The following ZFHX3 variants were observed in gnomAD, a reference collection of about 807,000 sequenced individuals.
ZFHX3 encodes the protein zinc finger homeobox protein 3.
ZFHX3 carries 42 observed loss-of-function variants against 279.1 expected under a neutral mutation model. That is an observed-to-expected ratio of 0.15 (90% CI 0.12 to 0.19). ZFHX3 has a LOEUF of 0.19. ZFHX3 is among the 10% of genes least tolerant of loss of function. The pLI is 1.00. For synonymous variants in ZFHX3, 2,293 were observed against 1,957.8 expected, an observed-to-expected ratio of 1.17 and a Z score of -4.52; for missense variants, 4,981 against 4,754.0, an observed-to-expected ratio of 1.05 and a Z score of -1.40.
intron 5 of ZFHX3, among the ~76,000 whole-genome samples, chr16:73,218,783 T>A (rs1044958845): frequency 2.6e-5 from 4 of 152,036 alleles, no homozygotes; most frequent in Admixed American, 6.6e-5. Context: ...AATAAATAAA[T>A]AAAAAAGTAA....
intron 5 of ZFHX3, chr16:73,233,914 C>T: frequency 6.6e-6 from 1 of 152,158 alleles, no homozygotes; most frequent in Non-Finnish European, 1.5e-5. Flanking sequence ...GTTTCCTGAG[C>T]AGGAGAAATA....
At chr16:72,978,596 C>T (rs1597046746) in intron 1 of ZFHX3, among the ~76,000 whole-genome samples, 2 of 152,310 alleles carry the variant, frequency 1.3e-5, no homozygotes, top group East Asian at 1.9e-4. Flanking sequence ...AAAAGACCAG[C>T]GCCACGCTGC....
At chr16:72,891,383 G>A (rs550285523) in intron 3 of ZFHX3, among the ~76,000 whole-genome samples, 1 of 152,268 alleles carries the variant, frequency 6.6e-6, no homozygotes, top group African/African-American at 2.4e-5. Flanking sequence ...CAGACCCCAG[G>A]CTTCTGTGGC....
At chr16:73,155,988 T>C (rs916275754) in intron 5 of ZFHX3, among the ~76,000 whole-genome samples, 1 of 152,026 alleles carries the variant, frequency 6.6e-6, no homozygotes, top group Non-Finnish European at 1.5e-5. Flanking sequence ...ATCTCAGCAC[T>C]TTGGGAGGCC....
intron 3 of ZFHX3, among the ~76,000 whole-genome samples, chr16:73,349,604 CCCTTACTT>C (rs1392953685): frequency 7.1e-6 from 1 of 141,450 alleles, no homozygotes; most frequent in African/African-American, 3.0e-5. Flanking sequence ...CTCTCTCTCT[CCCTTACTT>C]CCTCCCTCCC....
chr16:73,529,188 C>T (rs752237902), intron 2 of ZFHX3, among the ~76,000 whole-genome samples: 8 of 152,054 alleles, frequency 5.3e-5, no homozygotes, highest in African/African-American at 7.2e-5. Context: ...TATTTCATTC[C>T]GCCAGTTAGA....
chr16:73,086,055 AAAG>A (rs1966009082), intron 8 of ZFHX3, among the ~76,000 whole-genome samples: 2 of 152,246 alleles, frequency 1.3e-5, no homozygotes, highest in South Asian at 2.1e-4. Flanking sequence ...ACATTTCTCA[AAAG>A]AAGACATATG....
chr16:73,192,530 G>A (rs1224139697), intron 5 of ZFHX3, among the ~76,000 whole-genome samples: 1 of 152,168 alleles, frequency 6.6e-6, no homozygotes, highest in African/African-American at 2.4e-5. Context: ...CTGAGAAATG[G>A]AGTCTTTGTT....
rs534146657 is a variant in ZFHX3 at position 73,308,598 on chromosome 16, C to T, written c.-1194+9642G>A. On this transcript the variant is annotated intron_variant, in intron 4 of 17. Coordinates refer to the ZFHX3 transcript ENST00000641206. ...GTGAGATTACAGGTGTGAGCCACCA[C>T]GCCCAGCCTATTTTTTAATTCTCGC... Among the ~76,000 whole-genome samples, 23 of 152,158 alleles carry T rather than the reference C, an allele frequency of 1.5e-4. No homozygotes were observed. In the South Asian group the frequency reaches 2.3e-3, roughly 15 times the overall value.
Position 72,957,801 on chromosome 16 carries a change from G to C in ZFHX3, c.2345C>G (p.Ala782Gly), listed in dbSNP as rs62639304. The change falls in exon 2 of 10, where the codon GCG (alanine) becomes GGG (glycine). Residue 782 changes from alanine (A) to glycine (G), a missense_variant. Ala to Gly is a moderately conservative substitution (Grantham distance 60). Around this residue, in one of 7 missense-constraint regions of ZFHX3, gnomAD observed 1,751 missense variants for 1,770.0 expected, o/e 0.99. Transcript: ENST00000268489. ...GCAGGAGCTACTGATATTGGCTGCC[G>C]CCGCCGCCGCAGCCACCGCCGCCGC... ...AAAAAVAAAAAAANISSSCGA... is the reference protein window; with the variant it reads ...AAAAAVAAAAGAANISSSCGA... The C allele has an allele frequency of 1.9e-6, 3 of 1,594,972 alleles. No homozygotes were observed. The South Asian group carries it at 3.3e-5, about 18-fold the overall frequency.
chr16:73,264,989 T>TTA (rs147996553), intron 4 of ZFHX3, among the ~76,000 whole-genome samples: 3,277 of 146,320 alleles, frequency 0.022, 118 homozygotes, highest in African/African-American at 0.073. Flanking sequence ...TATGTGTGTA[T>TTA]TATATATATA....
intron 4 of ZFHX3, among the ~76,000 whole-genome samples, chr16:73,303,963 GAAAA>G (rs201865011): frequency 7.9e-5 from 6 of 76,130 alleles, no homozygotes; most frequent in Middle Eastern, 9.6e-3. Flanking sequence ...ACCCTAGGTG[GAAAA>G]AAAAAAAAAA....
chr16:73,871,638 A>T (rs1221965383), intron 1 of ZFHX3, among the ~76,000 whole-genome samples: 1 of 152,204 alleles, frequency 6.6e-6, no homozygotes, highest in African/African-American at 2.4e-5. Flanking sequence ...ACCAAATAAT[A>T]ACCTGAAAAG....
chr16:73,095,359 T>C lies in ZFHX3; in HGVS notation c.-896-1761A>G, dbSNP rs542451640. On this transcript the variant is annotated intron_variant, in intron 7 of 17. Transcript: ENST00000641206. Reference sequence around the variant, plus strand: ...GCCCCCATCTTAGCTACTGCTGAAGTAATGGGCACTGCTACTAGATGGCAA... The same window carrying C: ...GCCCCCATCTTAGCTACTGCTGAAGCAATGGGCACTGCTACTAGATGGCAA... Among the ~76,000 whole-genome samples the C allele has an allele frequency of 1.3e-4, 20 of 152,262 alleles. No individual in the cohort carries two copies. In the South Asian group the frequency reaches 4.1e-3, roughly 32 times the overall value.
chr16:73,652,428 A>G (rs1185684901), intron 2 of ZFHX3, among the ~76,000 whole-genome samples: 1 of 152,252 alleles, frequency 6.6e-6, no homozygotes, highest in Non-Finnish European at 1.5e-5. Flanking sequence ...TTAAACAAAT[A>G]AAAACTGAAG....
In ZFHX3 at chr16:73,240,536, T is replaced by C. The variant is rs553321881; in HGVS notation, c.-1104+16511A>G. 6.6e-5 allele frequency among the ~76,000 whole-genome samples: 10 copies of C among 152,212 alleles called. No individual in the cohort carries two copies. The South Asian group carries it at 1.7e-3, about 25-fold the overall frequency. On this transcript the variant is annotated intron_variant, in intron 5 of 17. Transcript: ENST00000641206. ...GCCCAGCGTTGCAGGGTATTTTAAA[T>C]GACAAAATCACCAACTAAGAGCACA...
chr16:73,154,708 A>G (rs949418109), intron 5 of ZFHX3, among the ~76,000 whole-genome samples: 2 of 152,158 alleles, frequency 1.3e-5, no homozygotes, highest in Non-Finnish European at 2.9e-5. Context: ...TGTTCTGGGG[A>G]AAAAGTGGAC....
At chr16:73,319,146 G>A (rs1470327648) in intron 3 of ZFHX3, among the ~76,000 whole-genome samples, 2 of 152,096 alleles carry the variant, frequency 1.3e-5, no homozygotes, top group African/African-American at 4.8e-5. Context: ...GACCGGAGCA[G>A]GTAATAGATG....
chr16:72,865,842 C>T (rs1251053066), intron 4 of ZFHX3, among the ~76,000 whole-genome samples: 2 of 152,174 alleles, frequency 1.3e-5, no homozygotes, highest in East Asian at 1.9e-4. Flanking sequence ...GGTTACGCCA[C>T]TCATGCTCCT....
Sources: gnomAD v4.1 joint callset for allele counts (sites outside exome capture counted in the v4.1 genomes callset) on GRCh38, gnomAD v4.1.1 for gene constraint, gnomAD v4.1.1 regional missense constraint, MANE v1.5 for transcripts, NCBI Gene and HGNC (gene_info 2026-07-23, HGNC 2026-07-21) for gene names.